Variants in SHC2 observed in about 807,000 individuals in gnomAD.
The protein encoded by SHC2 is SHC-transforming protein 2.
In SHC2, 62 loss-of-function variants were observed where a neutral mutation model predicts 60.6. That is an observed-to-expected ratio of 1.02 (90% CI 0.83 to 1.26). The LOEUF (loss-of-function observed/expected upper bound fraction) is 1.26. Among genes scored for constraint, SHC2 ranks in the 50% most tolerant of loss-of-function variants. The pLI, the probability that SHC2 is intolerant of heterozygous loss-of-function variation, is 0.00. For missense variants in SHC2, 873 were observed against 822.2 expected, an observed-to-expected ratio of 1.06 and a Z score of -0.76; for synonymous variants, 375 against 372.4, an observed-to-expected ratio of 1.01 and a Z score of -0.08.
intron 1 of SHC2, among the ~76,000 whole-genome samples, chr19:459,148 G>A (rs1389453325): frequency 6.6e-6 from 1 of 152,112 alleles, no homozygotes; most frequent in Non-Finnish European, 1.5e-5. Context: ...AGACTCCTAC[G>A]GCACAGGAAT....
intron 11 of SHC2, among the ~76,000 whole-genome samples, chr19:421,382 A>G (rs1457830968): frequency 1.3e-5 from 2 of 148,442 alleles, no homozygotes; most frequent in Non-Finnish European, 3.0e-5. Context: ...CCGGGGCAAC[A>G]GTGCGAGACT....
At position 440,536 on chromosome 19, in the gene SHC2, C is replaced by T. The variant is rs756468262; in HGVS notation, c.539+326G>A. On this transcript the variant is annotated intron_variant, in intron 2 of 12. Transcript: ENST00000264554. The surrounding 1 kb of genome is among the most constrained non-coding windows in gnomAD (Gnocchi z 7.0). ...CCGTGTGGAAAACAGAGCAGGGACA[C>T]GGAGACGCCACTGGGCCCCGGTCCC... Among the ~76,000 whole-genome samples the T allele has an allele frequency of 6.6e-6, 1 of 152,174 alleles. No individual in the cohort carries two copies. Among genetic ancestry groups the T allele is most frequent in the Non-Finnish European group, 1.5e-5 (1 of 68,014 alleles).
At chr19:442,837 G>GA in intron 1 of SHC2, among the ~76,000 whole-genome samples, 1 of 144,960 alleles carries the variant, frequency 6.9e-6, no homozygotes, top group African/African-American at 2.6e-5. Context: ...GTGGGTGGAT[G>GA]GGTGGACGGG....
Position 438,851 on chromosome 19 carries a change from G to A in SHC2, c.601-14C>T, listed in dbSNP as rs376570248. ...CTTGTTGGGGGCCTGAGTTGGGGGC[G>A]GAGCACAGCGAGGGCGGCTGTGGGT... On this transcript the variant is annotated splice_polypyrimidine_tract_variant and intron_variant, in intron 3 of 12. Coordinates refer to ENST00000264554, the MANE Select transcript of SHC2 (RefSeq NM_012435.3). The surrounding 1 kb of genome is among the most constrained non-coding windows in gnomAD (Gnocchi z 5.0). The A allele has an allele frequency of 2.8e-5, 44 of 1,560,874 alleles. No individual in the cohort carries two copies. Among genetic ancestry groups the A allele is most frequent in the African/African-American group, 1.1e-4 (8 of 73,444 alleles).
rs767421101 is a variant in SHC2, at chr19:422,360, G to C, written c.1406C>G (p.Pro469Arg). Residue 469 changes from proline to arginine, a missense_variant, in exon 11 of 13, where the codon CCT becomes CGT. Physicochemically the swap from Pro to Arg is moderately radical, Grantham distance 103. Transcript: ENST00000264554. This position sits in a 1 kb window ranked among gnomAD's most constrained non-coding sequence, Gnocchi z 5.0. Reference protein sequence around the residue: ...LPLEDQWPSPPTRRAPVAPTE... With the variant: ...LPLEDQWPSPRTRRAPVAPTE... ...GGGGGCCACAGGGGCCCGGCGGGTA[G>C]GGGGGCTGGGCCACTGGTCCTCCAA... 1.2e-6 allele frequency: 2 copies of C among 1,604,948 alleles called. No individual in the cohort carries two copies. Among genetic ancestry groups the C allele is most frequent in the Middle Eastern group, 1.7e-4 (1 of 6,042 alleles).
In SHC2 at chr19:434,766, C is replaced by T. The variant is rs1424976465; in HGVS notation, c.1053G>A (p.Gly351=). 1.2e-6 allele frequency: 2 copies of T among 1,612,770 alleles called. No individual in the cohort carries two copies. The highest frequency in any genetic ancestry group is 8.5e-7 in the Non-Finnish European group (1 of 1,179,782). ...TCAGGGCCAGCCTGGAGTCCACTAG[C>T]CCGCCCAGCGGCGGCTCCTTCCCCG... ...SIPGKEPPLG[G]LVDSRLALTQ... Residue 351 remains glycine, a synonymous_variant, in exon 8 of 13, where the codon GGG becomes GGA. Coordinates refer to ENST00000264554, the MANE Select transcript of SHC2 (RefSeq NM_012435.3).
At chr19:457,752 G>C (rs1218034239) in intron 1 of SHC2, among the ~76,000 whole-genome samples, 1 of 152,182 alleles carries the variant, frequency 6.6e-6, no homozygotes, top group South Asian at 2.1e-4. Context: ...CCACATCCAC[G>C]GCCAATGGCC....
chr19:430,210 C>T (rs1054299607), intron 9 of SHC2, among the ~76,000 whole-genome samples: 11 of 148,480 alleles, frequency 7.4e-5, no homozygotes, highest in Admixed American at 5.4e-4. Context: ...AACCTAATAC[C>T]GTGTGGATGA....
chr19:429,214 G>C (rs1299008070), intron 9 of SHC2, among the ~76,000 whole-genome samples: 2 of 146,752 alleles, frequency 1.4e-5, no homozygotes, highest in Non-Finnish European at 1.5e-5. Context: ...AACATGCAGA[G>C]AAACCTAATA....
chr19:422,737 T>C lies in SHC2; in HGVS notation c.1310-281A>G. The C allele has an allele frequency of 5.7e-6, 2 of 351,316 alleles. No individual in the cohort carries two copies. The highest frequency in any genetic ancestry group is 1.0e-5 in the Non-Finnish European group (2 of 194,682). 21.8% of individuals were successfully genotyped at this position (351,316 alleles called of 1,614,324 possible). A position where few individuals can be genotyped will look rare whatever the true frequency, so the allele number is the denominator to read the frequency against. ...GCTCTTTCTTTCAGAGGTTAACTCC[T>C]ATTTCTTTTTCCTGCCTTGTCAGGT... On this transcript the variant is annotated intron_variant, in intron 10 of 12. Transcript: ENST00000264554. This position sits in a 1 kb window ranked among gnomAD's most constrained non-coding sequence, Gnocchi z 5.0.
rs1974350488 is a variant in SHC2 at position 424,161 on chromosome 19, CAG to C, written c.1309+934_1309+935del. Among the ~76,000 whole-genome samples the C allele has an allele frequency of 2.0e-5, 3 of 152,194 alleles. No individual in the cohort carries two copies. ...AACACCTCTCCGTGCTGGAGAAGGGCAGAGTCGAGGCTGCAGGAAATCAGGAG... is the reference window on the plus strand; with the variant it reads ...AACACCTCTCCGTGCTGGAGAAGGGCAGTCGAGGCTGCAGGAAATCAGGAG... On this transcript the variant is annotated intron_variant, in intron 10 of 12. Coordinates refer to ENST00000264554, the MANE Select transcript of SHC2 (RefSeq NM_012435.3). The surrounding 1 kb of genome is among the most constrained non-coding windows in gnomAD (Gnocchi z 4.5).
chr19:442,180 G>C (rs1015250438), intron 1 of SHC2, among the ~76,000 whole-genome samples: 1 of 152,182 alleles, frequency 6.6e-6, no homozygotes, highest in Admixed American at 6.5e-5. Context: ...TGGATGGACT[G>C]ACAGAAAGAT....
chr19:430,831 T>C, intron 8 of SHC2, 84 bp from the exon 9 acceptor site: 2 of 1,300,728 alleles, frequency 1.5e-6, no homozygotes, highest in East Asian at 2.4e-5. Flanking sequence ...CGCCCGGCCC[T>C]CTTAGATGGC....
rs1339880513 is a variant in SHC2 at position 424,119 on chromosome 19, C to G, written c.1309+978G>C. Among the ~76,000 whole-genome samples, 2 of 152,168 alleles carry G rather than the reference C, an allele frequency of 1.3e-5. No homozygotes were observed. The highest frequency in any genetic ancestry group is 2.4e-5 in the African/African-American group (1 of 41,438). On this transcript the variant is annotated intron_variant, in intron 10 of 12. Coordinates refer to ENST00000264554, the MANE Select transcript of SHC2 (RefSeq NM_012435.3). The surrounding 1 kb of genome is among the most constrained non-coding windows in gnomAD (Gnocchi z 4.5). ...ATCCTGAGCTCAGGCAAGGACCCTA[C>G]CCGGCAGCTCAGAGCCAACACCTCT...
chr19:417,564 CGATCCCAGTGCCTGTCTCA>C (rs2145682955), intron 12 of SHC2, among the ~76,000 whole-genome samples: 1 of 152,246 alleles, frequency 6.6e-6, no homozygotes, highest in East Asian at 1.9e-4. Flanking sequence ...GCAAGAATGC[CGATCCCAGTGCCTGTCTCA>C]GAACCGAAGG....
At position 422,154 on chromosome 19, in the gene SHC2, C is replaced by CG; in HGVS notation, c.1611dup (p.Glu538ArgfsTer12). On this transcript the variant is annotated frameshift_variant, in exon 11 of 13. Coordinates refer to ENST00000264554, the MANE Select transcript of SHC2 (RefSeq NM_012435.3). LOFTEE classifies it high-confidence loss of function. This position sits in a 1 kb window ranked among gnomAD's most constrained non-coding sequence, Gnocchi z 5.0. ...ACCTGTGCACAGCTTACCACGCCCT[C>CG]GGGGTCCACGAGCAGCAGGTGCTTG... is the stretch of plus-strand genomic sequence containing the variant. The CG allele has an allele frequency of 6.2e-7, 1 of 1,608,282 alleles. No individual in the cohort carries two copies. The highest frequency in any genetic ancestry group is 8.5e-7 in the Non-Finnish European group (1 of 1,177,378).
At chr19:434,462 A>ATCGTGAGTCTGTGAGACTGTGAGTCTGTG (rs1469317845) in intron 8 of SHC2, among the ~76,000 whole-genome samples, 1 of 1,348 alleles carries the variant, frequency 7.4e-4, no homozygotes, top group African/African-American at 3.0e-3. Flanking sequence ...GATAGTGAGC[A>ATCGTGAGTCTGTGAGACTGTGAGTCTGTG]AGTGAGTGAG....
rs549478724 is a variant in SHC2, at chr19:445,580, A to C, written c.469-4648T>G. Reference sequence around the variant, plus strand: ...GAGGCCTCATCTCTACAAAAGAAAAATTTTTAATTAGCTGAGCATGGTGAG... The same window carrying C: ...GAGGCCTCATCTCTACAAAAGAAAACTTTTTAATTAGCTGAGCATGGTGAG... On this transcript the variant is annotated intron_variant, in intron 1 of 12. Coordinates refer to ENST00000264554, the MANE Select transcript of SHC2 (RefSeq NM_012435.3). This position sits in a 1 kb window ranked among gnomAD's most constrained non-coding sequence, Gnocchi z 4.4. 2.0e-5 allele frequency among the ~76,000 whole-genome samples: 3 copies of C among 152,178 alleles called. No individual in the cohort carries two copies. The highest frequency in any genetic ancestry group is 7.2e-5 in the African/African-American group (3 of 41,500).
Position 425,660 on chromosome 19 carries a change from G to C in SHC2, c.1175-429C>G, listed in dbSNP as rs1026433593. Among the ~76,000 whole-genome samples the C allele has an allele frequency of 1.3e-5, 2 of 152,212 alleles. No individual in the cohort carries two copies. The highest frequency in any genetic ancestry group is 4.1e-4 in the South Asian group (2 of 4,822). ...ATGCTATCAACATGACGCACGGAGG[G>C]TCACTTATTCTGACTCAGTTCTATT... On this transcript the variant is annotated intron_variant, in intron 9 of 12. Transcript: ENST00000264554. This position sits in a 1 kb window ranked among gnomAD's most constrained non-coding sequence, Gnocchi z 4.1.
Sources: allele counts gnomAD v4.1 joint callset (sites outside exome capture counted in the v4.1 genomes callset), GRCh38; gene constraint gnomAD v4.1.1; non-coding constraint Gnocchi (gnomAD v3.1); transcripts MANE v1.5; gene names NCBI Gene and HGNC (gene_info 2026-07-23, HGNC 2026-07-21).